Variants in CILP observed in about 807,000 individuals in gnomAD.
The protein encoded by CILP is cartilage intermediate layer protein, also known as cartilage intermediate layer protein 1.
Under a neutral mutation model 82.5 loss-of-function variants are expected in CILP, and 75 were observed. The observed-to-expected ratio is 0.91, with a 90% CI of 0.75 to 1.10. The LOEUF is 1.10. Ranked by LOEUF, CILP falls within the 50% of genes least tolerant of loss-of-function variation. The pLI is 0.00. For missense variants in CILP, 1,479 were observed against 1,530.8 expected (o/e 0.97, Z 0.56); for synonymous variants, 530 against 580.3 (o/e 0.91, Z 1.25).
intron 4 of CILP, 125 bp from the exon 5 acceptor site, chr15:65,205,591 G>A: frequency 1.0e-6 from 1 of 959,958 alleles, no homozygotes; most frequent in Non-Finnish European, 1.5e-6. Flanking sequence ...AGATGTCACT[G>A]ATATTTATAT....
intron 7 of CILP, 101 bp from the exon 8 acceptor site, chr15:65,202,130 G>A (rs970898761): frequency 3.8e-5 from 37 of 969,686 alleles, no homozygotes; most frequent in Non-Finnish European, 5.3e-5. Context: ...ATGATGAATG[G>A]GTTCCCACAA....
chr15:65,197,124 G>C lies in CILP; in HGVS notation c.3162C>G (p.Val1054=). 1 of 1,613,942 alleles carries C rather than the reference G, an allele frequency of 6.2e-7. No individual in the cohort carries two copies. Among genetic ancestry groups the C allele is most frequent in the Non-Finnish European group, 8.5e-7 (1 of 1,179,906 alleles). ...EYLVNHLPLA[V]NNDTSEYTML... is the part of the protein sequence containing the mutation. ...TGGTGTACTCACTGGTGTCGTTGTT[G>C]ACTGCAAGTGGCAAGTGGTTGACCA... The change falls in exon 9 of 9, where the codon GTC becomes GTG. Residue 1054 remains valine, a synonymous_variant. Coordinates refer to ENST00000261883, the MANE Select transcript of CILP (RefSeq NM_003613.4).
chr15:65,198,076 C>T lies in CILP; in HGVS notation c.2210G>A (p.Arg737His), dbSNP rs776366924. The T allele has an allele frequency of 2.3e-5, 37 of 1,614,116 alleles. No individual in the cohort carries two copies. The highest frequency in any genetic ancestry group is 5.3e-5 in the African/African-American group (4 of 74,952). ...RTFLVGNLEI[R>H]ERRLFNLDVP... ...ATCCAGGTTAAAGAGCCTCCTCTCA[C>T]GAATCTCCAGGTTGCCCACCAGGAA... Residue 737 changes from arginine (R) to histidine (H), a missense_variant, in exon 9 of 9, where the codon CGT becomes CAT. By Grantham distance (29) the Arg-to-His change is conservative. Transcript: ENST00000261883.
In CILP at chr15:65,207,729, CTCT is replaced by C; in HGVS notation, c.94_96del (p.Arg32del). On this transcript the variant is annotated inframe_deletion, in exon 3 of 9. Transcript: ENST00000261883. ...CTGGGGTTCTTCTTCCCAGGCTGGACTCTTCTTACTGACTGGGTGAGCATCGTC... is the reference window on the plus strand; with the variant it reads ...CTGGGGTTCTTCTTCCCAGGCTGGACTCTTACTGACTGGGTGAGCATCGTC... The C allele has an allele frequency of 6.2e-7, 1 of 1,614,164 alleles. No homozygotes were observed. Among genetic ancestry groups the C allele is most frequent in the African/African-American group, 1.3e-5 (1 of 75,030 alleles).
intron 5 of CILP, 87 bp from the exon 6 acceptor site, chr15:65,204,669 G>C: frequency 7.5e-7 from 1 of 1,338,346 alleles, no homozygotes; most frequent in Non-Finnish European, 1.0e-6. Flanking sequence ...TCTCCTCCTT[G>C]GCCTTTGCTA....
rs1025290519 is a variant in CILP at position 65,207,209 on chromosome 15, A to G, written c.155-158T>C. 3.3e-5 allele frequency among the ~76,000 whole-genome samples: 5 copies of G among 152,038 alleles called. No homozygotes were observed. In the East Asian group the frequency reaches 7.7e-4, roughly 23 times the overall value. ...TACACCTGCCACTGCTGAGGCCTCC[A>G]TTCAAGCTCTCATCAGCCTGACTGA... On this transcript the variant is annotated intron_variant, in intron 3 of 8. Transcript: ENST00000261883.
At chr15:65,209,094 G>A (rs2088557814) in intron 2 of CILP, among the ~76,000 whole-genome samples, 2 of 149,536 alleles carry the variant, frequency 1.3e-5, no homozygotes, top group Admixed American at 1.4e-4. Flanking sequence ...GAGGAGGTGG[G>A]AGAGAGTGTG....
At chr15:65,206,594 T>G (rs1191031451) in intron 4 of CILP, among the ~76,000 whole-genome samples, 188 bp downstream of exon 4, 1 of 152,224 alleles carries the variant, frequency 6.6e-6, no homozygotes, top group Non-Finnish European at 1.5e-5. Flanking sequence ...CTGGCATTAA[T>G]GACACTACTT....
At chr15:65,207,562 A>T (rs896151676) in intron 3 of CILP, 110 bp downstream of exon 3, 3 of 882,958 alleles carry the variant, frequency 3.4e-6, no homozygotes, top group Non-Finnish European at 5.5e-6. Context: ...AATGCTTGTA[A>T]AAGTGGGTTT....
chr15:65,201,757 A>C, intron 8 of CILP, 115 bp downstream of exon 8: 1 of 606,542 alleles, frequency 1.6e-6, no homozygotes, highest in Middle Eastern at 4.9e-4. Flanking sequence ...AAAAGAAAGA[A>C]AGAAAAGAAA....
rs1470865792 is a variant in CILP, at chr15:65,195,954, C to T, written c.*777G>A. ...CTGCTTTCCAGAGTCCCCTGTACTC[C>T]TCTGAGAAGCTGGCTCACTTTAATA... On this transcript the variant is annotated 3_prime_UTR_variant, in exon 9 of 9. Transcript: ENST00000261883. The T allele has an allele frequency of 2.0e-5, 3 of 152,244 alleles. No homozygotes were observed. Among genetic ancestry groups the T allele is most frequent in the African/African-American group, 7.2e-5 (3 of 41,452 alleles). 9.4% of individuals were successfully genotyped at this position (152,244 alleles called of 1,614,324 possible).
rs1338033533 is a variant in CILP, at chr15:65,203,368, T to C, written c.1022A>G (p.Tyr341Cys). Residue 341 changes from tyrosine (Y) to cysteine (C), a missense_variant, in exon 7 of 9, where the codon TAT becomes TGT. Coordinates refer to ENST00000261883, the MANE Select transcript of CILP (RefSeq NM_003613.4). ...TAGCTAGCAGAATACGCACCAAAAA[T>C]ACTTGTCTGGCCTGGGCTTCCCTGT... ...KATGKPRPDK[Y>C]FWYHNDTLLD... 6.2e-7 allele frequency: 1 copy of C among 1,612,710 alleles called. No homozygotes were observed.
At position 65,208,682 on chromosome 15, in the gene CILP, G is replaced by T. The variant is rs139766715; in HGVS notation, c.62-918C>A. Reference sequence around the variant, plus strand: ...CAGTTCCAGCTGTACCCTACCTGAGGCTGGGTTGGGGTCTCCAGAATGGGA... The same window carrying T: ...CAGTTCCAGCTGTACCCTACCTGAGTCTGGGTTGGGGTCTCCAGAATGGGA... On this transcript the variant is annotated intron_variant, in intron 2 of 8. Transcript: ENST00000261883. 4.1e-4 allele frequency among the ~76,000 whole-genome samples: 62 copies of T among 152,340 alleles called. No individual in the cohort carries two copies. The East Asian group carries it at 0.011, about 27-fold the overall frequency.
At chr15:65,202,363 A>G (rs78196208) in intron 7 of CILP, among the ~76,000 whole-genome samples, 2,432 of 152,204 alleles carry the variant, frequency 0.016, 47 homozygotes, top group African/African-American at 0.042. Flanking sequence ...TCAAATAAGA[A>G]AGTGGCTATA....
intron 2 of CILP, among the ~76,000 whole-genome samples, chr15:65,208,249 G>A (rs1263319930): frequency 6.6e-6 from 1 of 152,160 alleles, no homozygotes; most frequent in Non-Finnish European, 1.5e-5. Flanking sequence ...GATTCCATGA[G>A]CTAGAACGTA....
Position 65,198,370 on chromosome 15 carries a change from T to C in CILP, c.1916A>G (p.Gln639Arg). 1 of 1,614,240 alleles carries C rather than the reference T, an allele frequency of 6.2e-7. No homozygotes were observed. The highest frequency in any genetic ancestry group is 8.5e-7 in the Non-Finnish European group (1 of 1,180,038). Residue 639 changes from glutamine to arginine, a missense_variant, in exon 9 of 9, where the codon CAG becomes CGG. Physicochemically the swap from Gln to Arg is conservative, Grantham distance 43. Transcript: ENST00000261883. ...GTCATTGATGAAGTTCAGGTCAGTC[T>C]GGGCAGCTGTGGCTGTGGAAATATT... ...PRNISTATAA[Q>R]TDLNFINDEG...
At chr15:65,202,238 C>G (rs532704767) in intron 7 of CILP, among the ~76,000 whole-genome samples, 29 of 152,298 alleles carry the variant, frequency 1.9e-4, no homozygotes, top group African/African-American at 7.0e-4. Flanking sequence ...ACGTACCTGG[C>G]TGGGGATGCT....
intron 2 of CILP, among the ~76,000 whole-genome samples, chr15:65,208,136 G>T (rs1434284180): frequency 6.6e-6 from 1 of 152,118 alleles, no homozygotes; most frequent in Non-Finnish European, 1.5e-5. Context: ...CTCCTGCTTT[G>T]GTGTCTGCAC....
In CILP at chr15:65,197,863, A is replaced by C. The variant is rs951542670; in HGVS notation, c.2423T>G (p.Val808Gly). The C allele has an allele frequency of 9.3e-6, 15 of 1,613,718 alleles. No homozygotes were observed. In the East Asian group the frequency reaches 3.3e-4, roughly 36 times the overall value. Reference sequence around the variant, plus strand: ...GGACTGGTCATCACAGAAGGCAGGCACACAGGCCCCGTTGGGGCCTGTGAT... The same window carrying C: ...GGACTGGTCATCACAGAAGGCAGGCCCACAGGCCCCGTTGGGGCCTGTGAT... ...SVITGPNGACVPAFCDDQSPD... is the reference protein window; with the variant it reads ...SVITGPNGACGPAFCDDQSPD... Residue 808 changes from valine to glycine, a missense_variant, in exon 9 of 9, where the codon GTG becomes GGG. Transcript: ENST00000261883.
Sources: allele counts gnomAD v4.1 joint callset (sites outside exome capture counted in the v4.1 genomes callset), GRCh38; gene constraint gnomAD v4.1.1; transcripts MANE v1.5; gene names NCBI Gene and HGNC (gene_info 2026-07-23, HGNC 2026-07-21).